Variants in SUCLG2 observed in about 807,000 individuals in gnomAD.
SUCLG2 encodes the protein succinate--CoA ligase [GDP-forming] subunit beta, mitochondrial.
Under a neutral mutation model 47.9 loss-of-function variants are expected in SUCLG2, and 42 were observed. The ratio of observed to expected loss-of-function variants is 0.88; its 90% CI spans 0.69 to 1.14. SUCLG2 has a LOEUF of 1.14. Among genes scored for constraint, SUCLG2 ranks in the 50% most tolerant of loss-of-function variants. The pLI is 0.00. For synonymous variants in SUCLG2, 195 were observed against 197.3 expected (o/e 0.99, Z 0.10); for missense variants, 571 against 525.9 (o/e 1.09, Z -0.84).
intron 9 of SUCLG2, among the ~76,000 whole-genome samples, chr3:67,434,277 G>A (rs1703561434): frequency 6.6e-6 from 1 of 152,202 alleles, no homozygotes; most frequent in Admixed American, 6.5e-5. Flanking sequence ...CGTTATCCCA[G>A]CACTTCGTGA....
At chr3:67,406,725 C>T (rs971493944) in intron 9 of SUCLG2, among the ~76,000 whole-genome samples, 6 of 152,110 alleles carry the variant, frequency 3.9e-5, no homozygotes, top group African/African-American at 1.2e-4. Flanking sequence ...TCTCACAGAG[C>T]AAACGCCATG....
chr3:67,505,061 T>A (rs1575740602), intron 7 of SUCLG2, among the ~76,000 whole-genome samples: 1 of 152,224 alleles, frequency 6.6e-6, no homozygotes, highest in Admixed American at 6.5e-5. Flanking sequence ...AGAAACTGTA[T>A]GTCTCCTATA....
At chr3:67,584,816 C>T (rs891659819) in intron 2 of SUCLG2, among the ~76,000 whole-genome samples, 3 of 152,140 alleles carry the variant, frequency 2.0e-5, no homozygotes, top group African/African-American at 7.2e-5. Flanking sequence ...CCGGGCAAAG[C>T]AGGAAGAGCC....
At chr3:67,403,634 G>T (rs1702739263) in intron 9 of SUCLG2, among the ~76,000 whole-genome samples, 1 of 152,156 alleles carries the variant, frequency 6.6e-6, no homozygotes, top group African/African-American at 2.4e-5. Context: ...GGGAGAGGCG[G>T]TGATGCAGGC....
chr3:67,511,594 G>A (rs532615635), intron 6 of SUCLG2, among the ~76,000 whole-genome samples: 76 of 152,300 alleles, frequency 5.0e-4, no homozygotes, highest in Middle Eastern at 3.4e-3. Flanking sequence ...CCCCAGCCAT[G>A]TGGAATTGTA....
In SUCLG2 at chr3:67,427,816, G is replaced by A. The variant is rs145992032; in HGVS notation, c.1063-26965C>T. ...AGCAAATGGCACACCAGGAGATTATGTCCCATGCCTGGCTCAGAGGGTCCC... is the reference window on the plus strand; with the variant it reads ...AGCAAATGGCACACCAGGAGATTATATCCCATGCCTGGCTCAGAGGGTCCC... On this transcript the variant is annotated intron_variant, in intron 9 of 10. Coordinates refer to ENST00000307227, the MANE Select transcript of SUCLG2 (RefSeq NM_003848.4). Among the ~76,000 whole-genome samples the A allele has an allele frequency of 5.3e-3, 813 of 152,330 alleles. 10 individuals carry two copies. The highest frequency in any genetic ancestry group is 0.018 in the African/African-American group (766 of 41,580).
chr3:67,384,201 CAG>C (rs1471529505), intron 10 of SUCLG2, among the ~76,000 whole-genome samples: 1 of 152,142 alleles, frequency 6.6e-6, no homozygotes, highest in Non-Finnish European at 1.5e-5. Flanking sequence ...GTCAGATTCT[CAG>C]AGCTTAATAT....
chr3:67,368,341 T>A (rs1701902358), intron 10 of SUCLG2, among the ~76,000 whole-genome samples: 1 of 152,242 alleles, frequency 6.6e-6, no homozygotes, highest in Non-Finnish European at 1.5e-5. Flanking sequence ...AATACAGTGT[T>A]TCTTTTCAGT....
chr3:67,643,081 T>C (rs141614779), intron 1 of SUCLG2, among the ~76,000 whole-genome samples: 2 of 152,310 alleles, frequency 1.3e-5, no homozygotes, highest in African/African-American at 4.8e-5. Flanking sequence ...TGAATGAATG[T>C]AAATGATTGT....
At chr3:67,497,751 A>AT in intron 8 of SUCLG2, among the ~76,000 whole-genome samples, 1 of 152,102 alleles carries the variant, frequency 6.6e-6, no homozygotes, top group Non-Finnish European at 1.5e-5. Flanking sequence ...AGTTGGGGTG[A>AT]TTTTTGCATA....
intron 9 of SUCLG2, among the ~76,000 whole-genome samples, chr3:67,469,576 A>G (rs1469045426): frequency 2.0e-5 from 3 of 150,392 alleles, no homozygotes; most frequent in Admixed American, 2.0e-4. Flanking sequence ...AAAAAATACA[A>G]AAATTAGCTG....
intron 2 of SUCLG2, among the ~76,000 whole-genome samples, chr3:67,593,564 C>T (rs1708224650): frequency 6.6e-6 from 1 of 152,236 alleles, no homozygotes; most frequent in African/African-American, 2.4e-5. Flanking sequence ...GTAAACCTCT[C>T]ATTCACACCA....
chr3:67,642,056 C>G lies in SUCLG2; in HGVS notation c.84+12447G>C, dbSNP rs1400705437. ...CGACCTCATTTTAACTTGATTTCCT[C>G]TATCTATCTCTTACCTTCTATCTCC... On this transcript the variant is annotated intron_variant, in intron 1 of 10. Coordinates refer to ENST00000307227, the MANE Select transcript of SUCLG2 (RefSeq NM_003848.4). Among the ~76,000 whole-genome samples the G allele has an allele frequency of 2.0e-5, 3 of 152,202 alleles. No individual in the cohort carries two copies. In the East Asian group the frequency reaches 5.8e-4, roughly 29 times the overall value.
downstream of SUCLG2, chr3:67,374,608 C>T: frequency 3.5e-6 from 1 of 284,650 alleles, no homozygotes; most frequent in Admixed American, 6.5e-5. Flanking sequence ...CTGGAATGAC[C>T]CAAATTATCA....
intron 9 of SUCLG2, among the ~76,000 whole-genome samples, chr3:67,432,279 G>C (rs528924364): frequency 6.6e-6 from 1 of 152,274 alleles, no homozygotes; most frequent in Non-Finnish European, 1.5e-5. Flanking sequence ...CAAGTAACTG[G>C]CTGCATATTA....
At chr3:67,597,900 T>A (rs1708330321) in intron 2 of SUCLG2, among the ~76,000 whole-genome samples, 1 of 151,860 alleles carries the variant, frequency 6.6e-6, no homozygotes, top group Non-Finnish European at 1.5e-5. Context: ...ATCGTGCCCC[T>A]GCATTCCAGC....
At chr3:67,574,132 C>A (rs1351426344) in intron 2 of SUCLG2, among the ~76,000 whole-genome samples, 1 of 152,150 alleles carries the variant, frequency 6.6e-6, no homozygotes, top group Non-Finnish European at 1.5e-5. Context: ...TGCTCAAATA[C>A]CTCCTCCTCC....
intron 2 of SUCLG2, among the ~76,000 whole-genome samples, chr3:67,544,536 G>A (rs1313479269): frequency 2.6e-5 from 4 of 152,100 alleles, no homozygotes; most frequent in Admixed American, 1.3e-4. Flanking sequence ...CCAGCCACGC[G>A]GAACTGTGAG....
At chr3:67,447,990 A>T (rs1395089349) in intron 9 of SUCLG2, among the ~76,000 whole-genome samples, 2 of 152,216 alleles carry the variant, frequency 1.3e-5, no homozygotes, top group African/African-American at 4.8e-5. Flanking sequence ...AGGCCTCCCA[A>T]AGTGCTGGGA....
Sources: gnomAD v4.1 joint callset for allele counts (sites outside exome capture counted in the v4.1 genomes callset) on GRCh38, gnomAD v4.1.1 for gene constraint, MANE v1.5 for transcripts, NCBI Gene and HGNC (gene_info 2026-07-23, HGNC 2026-07-21) for gene names.